The following MED13 variants were observed in gnomAD, a reference collection of about 807,000 sequenced individuals.
MED13 encodes mediator of RNA polymerase II transcription subunit 13.
MED13 carries 23 observed loss-of-function variants against 225.2 expected under a neutral mutation model. That is an observed-to-expected ratio of 0.10 (90% CI 0.07 to 0.14). The LOEUF is 0.14. Ranked by LOEUF, MED13 falls within the 10% of genes least tolerant of loss-of-function variation. The probability of loss-of-function intolerance (pLI) is 1.00; values close to 1 mark genes in which losing one functional copy is unlikely to be tolerated. For missense variants in MED13, 2,197 were observed against 2,594.5 expected, an observed-to-expected ratio of 0.85 and a Z score of 3.33; for synonymous variants, 942 against 889.2, an observed-to-expected ratio of 1.06 and a Z score of -1.06.
chr17:62,005,414 T>A (rs2080437162), intron 9 of MED13: 1 of 152,142 alleles, frequency 6.6e-6, no homozygotes, highest in South Asian at 2.1e-4. Context: ...AAGACCAGCC[T>A]CGCCAACATG....
At chr17:62,031,933 CTT>C (rs1299235117) in intron 5 of MED13, among the ~76,000 whole-genome samples, 1 of 151,350 alleles carries the variant, frequency 6.6e-6, no homozygotes, top group Non-Finnish European at 1.5e-5. Flanking sequence ...TTTTTTAAAT[CTT>C]TATGTGCACT....
chr17:62,010,403 A>C (rs1207992696), intron 9 of MED13, 147 bp downstream of exon 9: 14 of 500,056 alleles, frequency 2.8e-5, no homozygotes, highest in Non-Finnish European at 4.4e-5. Context: ...TGAGGAAAAA[A>C]CACAGTAAAG....
intron 20 of MED13, among the ~76,000 whole-genome samples, chr17:61,963,685 G>A (rs1027602212): frequency 2.6e-5 from 4 of 152,044 alleles, no homozygotes; most frequent in Non-Finnish European, 5.9e-5. Flanking sequence ...TGGGTGATTT[G>A]ATTTTTTTAC....
At chr17:61,951,054 A>G (rs1394866513) in intron 27 of MED13, 56 bp from the exon 28 acceptor site, 7 of 1,379,632 alleles carry the variant, frequency 5.1e-6, no homozygotes. Flanking sequence ...TAAGTACCAG[A>G]TATAAACACA....
chr17:61,993,998 A>T (rs925604867), intron 10 of MED13, among the ~76,000 whole-genome samples: 1 of 151,508 alleles, frequency 6.6e-6, no homozygotes, highest in Non-Finnish European at 1.5e-5. Flanking sequence ...AACTTTACAG[A>T]TTTCAATTTT....
rs145561241 is a variant in MED13, at chr17:61,996,506, C to A, written c.1968-1141G>T. Among the ~76,000 whole-genome samples, 8 of 152,210 alleles carry A rather than the reference C, an allele frequency of 5.3e-5. No individual in the cohort carries two copies. In the East Asian group the frequency reaches 1.5e-3, roughly 29 times the overall value. On this transcript the variant is annotated intron_variant, in intron 9 of 29. Transcript: ENST00000397786. Reference sequence around the variant, plus strand: ...CCTCTTCATCTTTTACTATTCTAGTCCTCTCTTATACTGCTTCCAAGGGCT... The same window carrying A: ...CCTCTTCATCTTTTACTATTCTAGTACTCTCTTATACTGCTTCCAAGGGCT...
At chr17:62,046,899 AG>A (rs1268604740) in intron 3 of MED13, among the ~76,000 whole-genome samples, 1 of 151,266 alleles carries the variant, frequency 6.6e-6, no homozygotes, top group Admixed American at 6.6e-5. Flanking sequence ...TCTGTTGCCC[AG>A]GCTGGAGTAC....
intron 1 of MED13, among the ~76,000 whole-genome samples, chr17:62,063,707 T>G (rs2081059577): frequency 6.6e-6 from 1 of 152,228 alleles, no homozygotes; most frequent in Non-Finnish European, 1.5e-5. Flanking sequence ...ATTCCACATT[T>G]ACAGAAGTAA....
chr17:61,970,629 C>G (rs1315458737), intron 17 of MED13, among the ~76,000 whole-genome samples: 1 of 124,324 alleles, frequency 8.0e-6, no homozygotes, highest in Non-Finnish European at 1.6e-5. Context: ...GTGCAGTGAG[C>G]TAAGATCATG....
intron 3 of MED13, 138 bp from the exon 4 acceptor site, chr17:62,035,746 C>T: frequency 1.4e-6 from 1 of 722,584 alleles, no homozygotes; most frequent in Non-Finnish European, 2.2e-6. Context: ...GAAAAAAAAT[C>T]ATGGATATGA....
chr17:61,984,096 T>C (rs2143467384), intron 15 of MED13, 75 bp downstream of exon 15: 3 of 1,118,898 alleles, frequency 2.7e-6, no homozygotes, highest in Middle Eastern at 4.3e-4. Context: ...TTTTCCAGCA[T>C]ACCAGGTAAA....
chr17:62,019,731 T>A (rs2143632726), intron 8 of MED13, among the ~76,000 whole-genome samples: 1 of 152,054 alleles, frequency 6.6e-6, no homozygotes, highest in South Asian at 2.1e-4. Context: ...AGAGTACAAT[T>A]GAATTTCTTT....
At position 61,944,859 on chromosome 17, in the gene MED13, C is replaced by G. The variant is rs2079840728; in HGVS notation, c.*1609G>C. 6.5e-6 allele frequency: 1 copy of G among 152,674 alleles called. No individual in the cohort carries two copies. The highest frequency in any genetic ancestry group is 1.9e-4 in the East Asian group (1 of 5,180). The allele number at this position is 152,674 out of a possible 1,614,324, so 9.5% of individuals were successfully genotyped here. On this transcript the variant is annotated 3_prime_UTR_variant, in exon 30 of 30. Transcript: ENST00000397786. ...TGCAGGTAGGAGGCGAACTTGGGCT[C>G]TTTTGTGAGCAGCACTGTAGAAAGG...
rs1219018494 is a variant in MED13, at chr17:61,997,823, T to C, written c.1968-2458A>G. 3.9e-5 allele frequency among the ~76,000 whole-genome samples: 6 copies of C among 152,232 alleles called. No homozygotes were observed. In the East Asian group the frequency reaches 9.6e-4, roughly 24 times the overall value. ...ATTACGTTGTCCTCTGGCAGAAGTA[T>C]AAAAACCTTCACACTGTTTACATAA... On this transcript the variant is annotated intron_variant, in intron 9 of 29. Transcript: ENST00000397786.
chr17:61,982,683 A>G lies in MED13; in HGVS notation c.3320T>C (p.Val1107Ala), dbSNP rs1567958078. The change falls in exon 16 of 30, where the codon GTT becomes GCT. Residue 1107 changes from valine (V) to alanine (A), a missense_variant. Physicochemically the swap from Val to Ala is moderately conservative, Grantham distance 64. Around this residue, in one of 12 missense-constraint regions of MED13, gnomAD observed 99 missense variants for 158.5 expected, o/e 0.62. Transcript: ENST00000397786. ...CGTTGGATCTGGAATGTAAACTCCA[A>G]CATCGGCACCCTTGATGTTCATGTT... The part of the protein sequence containing the change: ...VCNMNIKGAD[V>A]GVYIPDPTQE... The G allele has an allele frequency of 6.2e-7, 1 of 1,614,206 alleles. No individual in the cohort carries two copies. Among genetic ancestry groups the G allele is most frequent in the Non-Finnish European group, 8.5e-7 (1 of 1,180,030 alleles).
At chr17:61,971,982 T>C (rs940654418) in intron 17 of MED13, among the ~76,000 whole-genome samples, 10 of 152,182 alleles carry the variant, frequency 6.6e-5, no homozygotes, top group African/African-American at 1.7e-4. Flanking sequence ...TATATTTTCA[T>C]TGACCTGCAT....
chr17:62,030,815 G>A (rs998242304), intron 6 of MED13: 3 of 152,166 alleles, frequency 2.0e-5, no homozygotes, highest in African/African-American at 7.2e-5. Flanking sequence ...TAGTATATGC[G>A]TATGTTCTTC....
Position 61,992,573 on chromosome 17 carries a change from C to G in MED13, c.2230G>C (p.Ala744Pro). 2 of 1,611,852 alleles carry G rather than the reference C, an allele frequency of 1.2e-6. No homozygotes were observed. Among genetic ancestry groups the G allele is most frequent in the East Asian group, 4.5e-5 (2 of 44,772 alleles). ...SVTVLSHEED[A>P]MSLFSPSIKQ... ...ATAGAGGGACTAAATAATGACATAG[C>G]ATCTTCTTCATGTGATAACACTGTT... is the stretch of plus-strand genomic sequence containing the variant. Residue 744 changes from alanine (A) to proline (P), a missense_variant, in exon 11 of 30, where the codon GCT becomes CCT. Ala to Pro is a conservative substitution (Grantham distance 27, BLOSUM62 -1). Transcript: ENST00000397786.
intron 3 of MED13, among the ~76,000 whole-genome samples, chr17:62,049,137 A>G (rs1308834995): frequency 4.0e-5 from 6 of 151,832 alleles, no homozygotes; most frequent in Admixed American, 2.6e-4. Context: ...AGGGAAAAGC[A>G]AAGAGAATCC....
Sources: gnomAD v4.1 joint callset for allele counts (sites outside exome capture counted in the v4.1 genomes callset) on GRCh38, gnomAD v4.1.1 for gene constraint, gnomAD v4.1.1 regional missense constraint, MANE v1.5 for transcripts, NCBI Gene and HGNC (gene_info 2026-07-23, HGNC 2026-07-21) for gene names.